ALG12: variants seen among roughly 807,000 people sequenced by gnomAD.
ALG12 encodes ALG12 alpha-1,6-mannosyltransferase.
A neutral mutation model predicts 46.0 loss-of-function variants in ALG12; 36 were observed. The ratio of observed to expected loss-of-function variants is 0.78; its 90% CI spans 0.60 to 1.03. The LOEUF (loss-of-function observed/expected upper bound fraction) is 1.03, where lower values mean the gene tolerates loss of function less well. ALG12 is among the 50% of genes least tolerant of loss of function. ALG12 has a pLI of 0.00. For synonymous variants in ALG12, 326 were observed against 291.6 expected, an observed-to-expected ratio of 1.12 and a Z score of -1.20; for missense variants, 599 against 633.5, an observed-to-expected ratio of 0.95 and a Z score of 0.58.
At chr22:49,897,245 G>C (rs766684317), downstream of ALG12, among the ~76,000 whole-genome samples, 15 of 152,180 alleles carry the variant, frequency 9.9e-5, no homozygotes, top group Non-Finnish European at 1.8e-4. Flanking sequence ...CATCTTGGTT[G>C]TTTTCAAGGT....
At chr22:49,914,705 A>AGAGAG (rs1406029911) in intron 1 of ALG12, among the ~76,000 whole-genome samples, 5 of 152,230 alleles carry the variant, frequency 3.3e-5, no homozygotes, top group African/African-American at 1.2e-4. Context: ...AGGGAGAGAG[A>AGAGAG]ACCCCAGGGC....
At chr22:49,884,780 C>A in the ALG12 span, 1 of 1,606,910 alleles carries the variant, frequency 6.2e-7, no homozygotes, top group Non-Finnish European at 8.5e-7. Flanking sequence ...AGCTCTGTGT[C>A]CTCGTCTCCA....
At position 49,909,875 on chromosome 22, in the gene ALG12, C is replaced by G. The variant is rs1265846432; in HGVS notation, c.664+19G>C. On this transcript the variant is annotated intron_variant, in intron 5 of 9. Coordinates refer to ENST00000330817, the MANE Select transcript of ALG12 (RefSeq NM_024105.4). ...CAAAACAAAATCCAGTTAGAAGCAT[C>G]CCACAGTGACTGACTTACCTAAACA... 2 of 1,614,036 alleles carry G rather than the reference C, an allele frequency of 1.2e-6. No homozygotes were observed. The highest frequency in any genetic ancestry group is 1.7e-6 in the Non-Finnish European group (2 of 1,179,958).
At chr22:49,877,171 A>G in the ALG12 span, among the ~76,000 whole-genome samples, 6 of 151,904 alleles carry the variant, frequency 3.9e-5, no homozygotes, top group Non-Finnish European at 8.8e-5. Flanking sequence ...CTTTATGTTT[A>G]AAGCGTGTTT....
chr22:49,889,517 G>T, the ALG12 span: 1 of 167,146 alleles, frequency 6.0e-6, no homozygotes. Context: ...ATTTTTAGTT[G>T]AAGTGTTCTG....
chr22:49,861,436 C>T, the ALG12 span, among the ~76,000 whole-genome samples: 3 of 152,014 alleles, frequency 2.0e-5, no homozygotes, highest in East Asian at 5.8e-4. Context: ...GCCACCACAC[C>T]TGACCTGTTT....
At chr22:49,860,605 C>T in the ALG12 span, among the ~76,000 whole-genome samples, 1 of 151,294 alleles carries the variant, frequency 6.6e-6, no homozygotes, top group Non-Finnish European at 1.5e-5. Flanking sequence ...ATTTATTTTT[C>T]CCAAGAAAGA....
At chr22:49,913,262 T>A in intron 3 of ALG12, 123 bp downstream of exon 3, 2 of 1,480,510 alleles carry the variant, frequency 1.4e-6, no homozygotes, top group Non-Finnish European at 1.9e-6. Flanking sequence ...CATGCCACGG[T>A]GATCGAGGGC....
chr22:49,911,293 T>TG (rs2060575233), intron 3 of ALG12, among the ~76,000 whole-genome samples: 1 of 151,998 alleles, frequency 6.6e-6, no homozygotes, highest in Admixed American at 6.5e-5. Flanking sequence ...CAGGCAGCTG[T>TG]GGGGGCCAAT....
chr22:49,904,014 G>A lies in ALG12; in HGVS notation c.1291C>T (p.His431Tyr). The change falls in exon 10 of 10, where the codon CAC (histidine) becomes TAC (tyrosine). Residue 431 changes from histidine (H) to tyrosine (Y), a missense_variant. Physicochemically the swap from His to Tyr is moderately conservative, Grantham distance 83. Transcript: ENST00000330817. Reference protein sequence around the residue: ...QPGTGMLAYTHILMEAAPGLL... With the variant: ...QPGTGMLAYTYILMEAAPGLL... ...CCAGGGGCCGCCTCCATGAGGATGT[G>A]TGTGTATGCCAGCATGCCTGTCCCC... The A allele has an allele frequency of 1.9e-6, 3 of 1,614,176 alleles. No homozygotes were observed. The highest frequency in any genetic ancestry group is 2.5e-6 in the Non-Finnish European group (3 of 1,180,010).
the ALG12 span, among the ~76,000 whole-genome samples, chr22:49,876,534 A>C: frequency 9.7e-3 from 1,472 of 152,158 alleles, 17 homozygotes; most frequent in South Asian, 0.068. Flanking sequence ...TGTTATATTT[A>C]GTATGTTATT....
chr22:49,887,396 C>T, the ALG12 span: 1 of 457,906 alleles, frequency 2.2e-6, no homozygotes, highest in Non-Finnish European at 4.0e-6. Context: ...CTAGAAATAG[C>T]TTGTCCTGTC....
At chr22:49,907,428 G>A (rs1224033601) in intron 7 of ALG12, among the ~76,000 whole-genome samples, 1 of 152,170 alleles carries the variant, frequency 6.6e-6, no homozygotes, top group Non-Finnish European at 1.5e-5. Flanking sequence ...GGAGGAGAGA[G>A]GACTGGGGTC....
rs997966360 is a variant in ALG12 at position 49,900,309 on chromosome 22, G to A, written c.*3529C>T. The A allele has an allele frequency of 1.8e-4, 27 of 152,222 alleles. No individual in the cohort carries two copies. The highest frequency in any genetic ancestry group is 3.9e-4 in the African/African-American group (16 of 41,440). The allele number at this position is 152,222 out of a possible 1,614,324, so 9.4% of individuals were successfully genotyped here. A position where few individuals can be genotyped will look rare whatever the true frequency, so the allele number is the denominator to read the frequency against. On this transcript the variant is annotated 3_prime_UTR_variant, in exon 10 of 10. Transcript: ENST00000330817. Reference sequence around the variant, plus strand: ...ACAATTATGCTCATTACCAAAAAGCGAGGAGGAGGTACAGGAGGGAGTGGC... The same window carrying A: ...ACAATTATGCTCATTACCAAAAAGCAAGGAGGAGGTACAGGAGGGAGTGGC...
intron 7 of ALG12, 137 bp from the exon 8 acceptor site, chr22:49,904,643 A>C: frequency 1.0e-6 from 1 of 995,622 alleles, no homozygotes; most frequent in Non-Finnish European, 1.5e-6. Flanking sequence ...CAAATAAAAC[A>C]GAGTCAGTAA....
In ALG12 at chr22:49,906,154, T is replaced by C. The variant is rs1601820077; in HGVS notation, c.992+1567A>G. On this transcript the variant is annotated intron_variant, in intron 7 of 9. Coordinates refer to ENST00000330817, the MANE Select transcript of ALG12 (RefSeq NM_024105.4). The surrounding 1 kb of genome is among the most constrained non-coding windows in gnomAD (Gnocchi z 4.4). Reference sequence around the variant, plus strand: ...GACTGGCACAGCAGGGGCCCTTGCATGGAGCAGCCCCTCACGCCCAGCACA... The same window carrying C: ...GACTGGCACAGCAGGGGCCCTTGCACGGAGCAGCCCCTCACGCCCAGCACA... Among the ~76,000 whole-genome samples the C allele has an allele frequency of 6.6e-6, 1 of 152,158 alleles. No individual in the cohort carries two copies. Among genetic ancestry groups the C allele is most frequent in the African/African-American group, 2.4e-5 (1 of 41,426 alleles).
At chr22:49,873,693 G>GT in the ALG12 span, among the ~76,000 whole-genome samples, 5 of 151,960 alleles carry the variant, frequency 3.3e-5, no homozygotes, top group Non-Finnish European at 7.3e-5. Flanking sequence ...GTGATATGAG[G>GT]TGATATGAGG....
chr22:49,875,329 TA>T, the ALG12 span, among the ~76,000 whole-genome samples: 14 of 152,128 alleles, frequency 9.2e-5, no homozygotes, highest in African/African-American at 2.4e-5. Flanking sequence ...AATTTGTAAA[TA>T]AAAGGCTAAT....
At chr22:49,865,420 G>A in the ALG12 span, among the ~76,000 whole-genome samples, 8 of 152,082 alleles carry the variant, frequency 5.3e-5, no homozygotes, top group South Asian at 4.2e-4. Flanking sequence ...GGGCTAAGGC[G>A]GGCGGAACTC....
Sources: allele counts gnomAD v4.1 joint callset (sites outside exome capture counted in the v4.1 genomes callset), GRCh38; gene constraint gnomAD v4.1.1; non-coding constraint Gnocchi (gnomAD v3.1); transcripts MANE v1.5; gene names NCBI Gene and HGNC (gene_info 2026-07-23, HGNC 2026-07-21).